ATP11A: variants seen among roughly 807,000 people sequenced by gnomAD.
The protein encoded by ATP11A is phospholipid-transporting ATPase IH.
A neutral mutation model predicts 154.4 loss-of-function variants in ATP11A; 81 were observed. The observed-to-expected ratio is 0.52, with a 90% CI of 0.44 to 0.63. The LOEUF (loss-of-function observed/expected upper bound fraction) is 0.63. ATP11A is among the 30% of genes least tolerant of loss of function. The probability of loss-of-function intolerance (pLI) is 0.00; values close to 1 mark genes in which losing one functional copy is unlikely to be tolerated. For synonymous variants in ATP11A, 623 were observed against 585.9 expected (o/e 1.06, Z -0.91); for missense variants, 1,316 against 1,474.3 (o/e 0.89, Z 1.76).
chr13:112,820,275 C>G (rs1273469299), intron 8 of ATP11A, among the ~76,000 whole-genome samples: 1 of 152,194 alleles, frequency 6.6e-6, no homozygotes, highest in Non-Finnish European at 1.5e-5. Context: ...GGGAGAAATG[C>G]CCTTTCATGA....
chr13:112,709,898 T>C (rs1357469099), intron 1 of ATP11A, among the ~76,000 whole-genome samples: 1 of 152,294 alleles, frequency 6.6e-6, no homozygotes, highest in East Asian at 1.9e-4. Flanking sequence ...AAATAGGAGC[T>C]GCGCCCATGA....
At chr13:112,858,312 C>G in intron 22 of ATP11A, 22 bp downstream of exon 22, 1 of 1,598,924 alleles carries the variant, frequency 6.3e-7, no homozygotes, top group Non-Finnish European at 8.5e-7. Context: ...GCCGCTCCCC[C>G]TCACGGTGTT....
Position 112,690,397 on chromosome 13 carries a change from C to T in ATP11A, c.-20C>T. 7 of 1,291,186 alleles carry T rather than the reference C, an allele frequency of 5.4e-6. No homozygotes were observed. Among genetic ancestry groups the T allele is most frequent in the Non-Finnish European group, 5.9e-6 (6 of 1,019,420 alleles). The allele number at this position is 1,291,186 out of a possible 1,614,324, so 80.0% of individuals were successfully genotyped here. ...GGCGCGGGGGCGCTGAACGGCGGAG[C>T]GGGAGCGGCCGGAGGAGCCATGGAC... On this transcript the variant is annotated 5_prime_UTR_variant, in exon 1 of 30. Coordinates refer to ENST00000375645, the MANE Select transcript of ATP11A (RefSeq NM_015205.3). This position sits in a 1 kb window ranked among gnomAD's most constrained non-coding sequence, Gnocchi z 5.6.
chr13:112,701,217 AGAG>A (rs1429650746), intron 1 of ATP11A, among the ~76,000 whole-genome samples: 8 of 152,200 alleles, frequency 5.3e-5, no homozygotes, highest in African/African-American at 1.9e-4. Flanking sequence ...CCCAGCCAGG[AGAG>A]GAGAACTCTG....
chr13:112,730,591 G>A (rs1019710524), intron 1 of ATP11A, among the ~76,000 whole-genome samples: 1 of 152,244 alleles, frequency 6.6e-6, no homozygotes, highest in Non-Finnish European at 1.5e-5. Flanking sequence ...GCCTGCGCAG[G>A]TGCGGGAGGA....
Position 112,882,416 on chromosome 13 carries a change from A to C in ATP11A, c.*550A>C. ...GCTGTTTCCTGCTTGCCCGGCCACC[A>C]CCCATGCCCTCCATAGGGTGAGGTG... On this transcript the variant is annotated 3_prime_UTR_variant, in exon 30 of 30. Coordinates refer to ENST00000375645, the MANE Select transcript of ATP11A (RefSeq NM_015205.3). This position sits in a 1 kb window ranked among gnomAD's most constrained non-coding sequence, Gnocchi z 5.1. The C allele has an allele frequency of 2.4e-6, 1 of 420,564 alleles. No homozygotes were observed. 26.1% of individuals were successfully genotyped at this position (420,564 alleles called of 1,614,324 possible).
rs76554354 is a variant in ATP11A, at chr13:112,725,480, A to G, written c.39+35025A>G. ...CCGCTGCCTTCACTCACCCCTCCCC[A>G]CACCAGTCTGGAGTGATAGGCTGCG... On this transcript the variant is annotated intron_variant, in intron 1 of 29. Transcript: ENST00000375645. 7.3e-3 allele frequency among the ~76,000 whole-genome samples: 1,116 copies of G among 152,000 alleles called. 12 individuals are homozygous for G. Among genetic ancestry groups the G allele is most frequent in the East Asian group, 0.03 (154 of 5,156 alleles).
intron 1 of ATP11A, among the ~76,000 whole-genome samples, chr13:112,742,162 G>C (rs1310788502): frequency 6.6e-6 from 1 of 152,258 alleles, no homozygotes; most frequent in Non-Finnish European, 1.5e-5. Flanking sequence ...ACTCATTCTT[G>C]ATCTAGATGG....
chr13:112,839,934 G>A (rs41340450), intron 16 of ATP11A, among the ~76,000 whole-genome samples: 2,422 of 152,262 alleles, frequency 0.016, 59 homozygotes, highest in African/African-American at 0.051. Context: ...AAACAACAGC[G>A]TTGGCTGGAA....
At position 112,838,115 on chromosome 13, in the gene ATP11A, G is replaced by C. The variant is rs989471726; in HGVS notation, c.1705+1864G>C. On this transcript the variant is annotated intron_variant, in intron 16 of 29. Transcript: ENST00000375645. The surrounding 1 kb of genome is among the most constrained non-coding windows in gnomAD (Gnocchi z 7.3). ...AATGTTGCCAGGACTCCCACGAAGA[G>C]CTTTTGCCAGCCAGACCGTGGGATC... Among the ~76,000 whole-genome samples, 4 of 152,210 alleles carry C rather than the reference G, an allele frequency of 2.6e-5. No individual in the cohort carries two copies. The highest frequency in any genetic ancestry group is 5.9e-5 in the Non-Finnish European group (4 of 68,046).
intron 25 of ATP11A, 111 bp downstream of exon 25, chr13:112,862,686 G>A (rs1443180308): frequency 1.3e-5 from 19 of 1,449,266 alleles, no homozygotes; most frequent in African/African-American, 2.9e-5. Flanking sequence ...CAGCTTCCCA[G>A]CGGGGTCCAT....
At position 112,696,401 on chromosome 13, in the gene ATP11A, G is replaced by A. The variant is rs1463398390; in HGVS notation, c.39+5946G>A. Among the ~76,000 whole-genome samples the A allele has an allele frequency of 6.6e-6, 1 of 152,000 alleles. No homozygotes were observed. The highest frequency in any genetic ancestry group is 1.5e-5 in the Non-Finnish European group (1 of 67,990). On this transcript the variant is annotated intron_variant, in intron 1 of 29. Coordinates refer to ENST00000375645, the MANE Select transcript of ATP11A (RefSeq NM_015205.3). The surrounding 1 kb of genome is among the most constrained non-coding windows in gnomAD (Gnocchi z 6.2). Reference sequence around the variant, plus strand: ...TCACTGGTGGGAACGCCCCTGCCACGCCCAGCAGCCTTTCTGCCTCTGCGC... The same window carrying A: ...TCACTGGTGGGAACGCCCCTGCCACACCCAGCAGCCTTTCTGCCTCTGCGC...
Position 112,862,529 on chromosome 13 carries a change from G to A in ATP11A, c.2945G>A (p.Gly982Asp). ...GLFDALVFFF[G>D]AYFVFENTTV... Reference sequence around the variant, plus strand: ...TTTGACGCACTGGTGTTCTTCTTTGGTGCTTATTTCGTGTTTGAAAATACA... The same window carrying A: ...TTTGACGCACTGGTGTTCTTCTTTGATGCTTATTTCGTGTTTGAAAATACA... The change falls in exon 25 of 30, where the codon GGT (glycine) becomes GAT (aspartate). Residue 982 changes from glycine to aspartate, a missense_variant. Coordinates refer to ENST00000375645, the MANE Select transcript of ATP11A (RefSeq NM_015205.3). 1 of 1,614,210 alleles carries A rather than the reference G, an allele frequency of 6.2e-7. No individual in the cohort carries two copies. The highest frequency in any genetic ancestry group is 8.5e-7 in the Non-Finnish European group (1 of 1,180,034).
In ATP11A at chr13:112,873,642, G is replaced by C; in HGVS notation, c.3127G>C (p.Val1043Leu). 2 of 1,613,620 alleles carry C rather than the reference G, an allele frequency of 1.2e-6. No individual in the cohort carries two copies. The highest frequency in any genetic ancestry group is 1.7e-6 in the Non-Finnish European group (2 of 1,179,856). Reference sequence around the variant, plus strand: ...CATCTGGGGGTCGCTGCTGTTCTACGTTGTCTTTTCGCTTCTCTGGGGAGG... The same window carrying C: ...CATCTGGGGGTCGCTGCTGTTCTACCTTGTCTTTTCGCTTCTCTGGGGAGG... ...FVIWGSLLFY[V>L]VFSLLWGGVI... Residue 1043 changes from valine to leucine, a missense_variant, in exon 27 of 30, where the codon GTT becomes CTT. Physicochemically the swap from Val to Leu is conservative, Grantham distance 32 (BLOSUM62 1). Coordinates refer to ENST00000375645, the MANE Select transcript of ATP11A (RefSeq NM_015205.3).
chr13:112,872,881 C>CT lies in ATP11A; in HGVS notation c.3058-691dup, dbSNP rs1391609012. Among the ~76,000 whole-genome samples the CT allele has an allele frequency of 9.5e-5, 11 of 115,496 alleles. 1 individual carries two copies. The highest frequency in any genetic ancestry group is 2.2e-4 in the East Asian group (1 of 4,616). The allele number at this position is 115,496 out of a possible 152,430, so 75.8% of individuals were successfully genotyped here. A position where few individuals can be genotyped will look rare whatever the true frequency, so the allele number is the denominator to read the frequency against. On this transcript the variant is annotated intron_variant, in intron 26 of 29. Transcript: ENST00000375645. ...TGAGCAGTGTGAGCTGTGGCTTTGT[C>CT]TCCCGAACGGTGTGAGGTGTGGCTT...
At chr13:112,720,742 G>C (rs759243465) in intron 1 of ATP11A, among the ~76,000 whole-genome samples, 8 of 152,088 alleles carry the variant, frequency 5.3e-5, no homozygotes, top group Non-Finnish European at 1.0e-4. Flanking sequence ...ATTTTTTGTA[G>C]AGATGGGGTT....
chr13:112,826,986 C>A, intron 12 of ATP11A, 95 bp downstream of exon 12: 3 of 1,294,704 alleles, frequency 2.3e-6, no homozygotes, highest in South Asian at 1.3e-5. Context: ...CCGAGCGTGG[C>A]TGTACCTGTA....
At chr13:112,847,640 G>A (rs117665212) in intron 17 of ATP11A, among the ~76,000 whole-genome samples, 6,587 of 152,238 alleles carry the variant, frequency 0.043, 197 homozygotes, top group African/African-American at 0.074. Context: ...CCCAGTTCCC[G>A]CTGTTTTGAT....
chr13:112,708,729 G>A (rs1364462124), intron 1 of ATP11A, among the ~76,000 whole-genome samples: 1 of 152,192 alleles, frequency 6.6e-6, no homozygotes, highest in Non-Finnish European at 1.5e-5. Flanking sequence ...TGGGCCCCAC[G>A]TGGGCTGCGT....
Sources: gnomAD v4.1 joint callset for allele counts (sites outside exome capture counted in the v4.1 genomes callset) on GRCh38, gnomAD v4.1.1 for gene constraint, Gnocchi (gnomAD v3.1) non-coding constraint, MANE v1.5 for transcripts, NCBI Gene and HGNC (gene_info 2026-07-23, HGNC 2026-07-21) for gene names.